The following ZFP62 variants were observed in gnomAD, a reference collection of about 807,000 sequenced individuals.
ZFP62 encodes zinc finger protein 62 homolog.
ZFP62 carries 44 observed loss-of-function variants against 56.4 expected under a neutral mutation model. The ratio of observed to expected loss-of-function variants is 0.78; its 90% CI spans 0.61 to 1.00. The LOEUF is 1.00. Ranked by LOEUF, ZFP62 falls within the 50% of genes least tolerant of loss-of-function variation. The pLI, the probability that ZFP62 is intolerant of heterozygous loss-of-function variation, is 0.00. For missense variants in ZFP62, 1,030 were observed against 1,085.7 expected, an observed-to-expected ratio of 0.95 and a Z score of 0.72; for synonymous variants, 421 against 388.9, an observed-to-expected ratio of 1.08 and a Z score of -0.97.
chr5:180,848,865 C>G lies in ZFP62; in HGVS notation c.2630G>C (p.Ser877Thr). 6.4e-7 allele frequency: 1 copy of G among 1,551,610 alleles called. No individual in the cohort carries two copies. Among genetic ancestry groups the G allele is most frequent in the East Asian group, 2.4e-5 (1 of 40,912 alleles). ...ATAGGTTCTCTTCTGGGATGTGCCA[C>G]TATAACTTCCCACATATATCACATT... ...SLNVIYVGSY[S>T]GTSQKRTYEG... The change falls in exon 2 of 2, where the codon AGT becomes ACT. Residue 877 changes from serine (S) to threonine (T), a missense_variant. Physicochemically the swap from Ser to Thr is moderately conservative, Grantham distance 58 (BLOSUM62 1). Transcript: ENST00000502412.
chr5:180,848,023 A>G lies in ZFP62; in HGVS notation c.*769T>C. On this transcript the variant is annotated 3_prime_UTR_variant, in exon 2 of 2. Transcript: ENST00000502412. ...TTTTATTGTAGCATAATGTGTGAAT[A>G]CCACTTCCAGGTTATCCCTCATCAC... The G allele has an allele frequency of 3.0e-6, 3 of 985,448 alleles. No homozygotes were observed. Among genetic ancestry groups the G allele is most frequent in the Non-Finnish European group, 3.6e-6 (3 of 829,932 alleles). 61.0% of individuals were successfully genotyped at this position (985,448 alleles called of 1,614,324 possible).
chr5:180,841,268 CATAT>C, the ZFP62 span, among the ~76,000 whole-genome samples: 15 of 148,310 alleles, frequency 1.0e-4, no homozygotes, highest in Middle Eastern at 3.2e-3. Flanking sequence ...CACACACACA[CATAT>C]ATATATACAT....
At chr5:180,851,569 C>CA in intron 1 of ZFP62, 76 bp from the exon 2 acceptor site, 1 of 1,414,098 alleles carries the variant, frequency 7.1e-7, no homozygotes, top group Non-Finnish European at 9.4e-7. Flanking sequence ...TAACAATGAA[C>CA]AACATTCACT....
chr5:180,837,065 C>G, the ZFP62 span, among the ~76,000 whole-genome samples: 1 of 152,238 alleles, frequency 6.6e-6, no homozygotes, highest in Non-Finnish European at 1.5e-5. Context: ...CCGCCTGCTT[C>G]CCAGAGCAAT....
the ZFP62 span, chr5:180,830,595 G>A: frequency 1.3e-5 from 2 of 152,096 alleles, no homozygotes; most frequent in Non-Finnish European, 2.9e-5. Flanking sequence ...GCTGGGTGAG[G>A]GCGGAATACT....
chr5:180,838,609 C>G, the ZFP62 span, among the ~76,000 whole-genome samples: 3 of 152,176 alleles, frequency 2.0e-5, no homozygotes, highest in Non-Finnish European at 2.9e-5. Flanking sequence ...CAAAAGTATT[C>G]TGAGGTGATG....
rs1329384054 is a variant in ZFP62 at position 180,851,363 on chromosome 5, A to T, written c.132T>A (p.Val44=). The T allele has an allele frequency of 1.3e-6, 2 of 1,551,546 alleles. No individual in the cohort carries two copies. Among genetic ancestry groups the T allele is most frequent in the Middle Eastern group, 1.7e-4 (1 of 5,990 alleles). The part of the protein sequence containing the change: ...MPESKVGDTC[V]WDSKVENQQK... ...GTTGATTCTCTACCTTGCTATCCCAAACACATGTGTCACCAACCTTAGATT... is the reference window on the plus strand; with the variant it reads ...GTTGATTCTCTACCTTGCTATCCCATACACATGTGTCACCAACCTTAGATT... The change falls in exon 2 of 2, where the codon GTT becomes GTA. Residue 44 remains valine (V), a synonymous_variant. Transcript: ENST00000502412.
chr5:180,854,813 AT>A (rs1773888214), intron 1 of ZFP62, among the ~76,000 whole-genome samples: 1 of 152,220 alleles, frequency 6.6e-6, no homozygotes, highest in South Asian at 2.1e-4. Flanking sequence ...CAAATACATC[AT>A]TTTCATAAAA....
At position 180,848,540 on chromosome 5, in the gene ZFP62, A is replaced by C; in HGVS notation, c.*252T>G. On this transcript the variant is annotated 3_prime_UTR_variant, in exon 2 of 2. Coordinates refer to ENST00000502412, the MANE Select transcript of ZFP62 (RefSeq NM_001172638.2). The stretch of plus-strand genomic sequence containing the variant: ...TCTACTGATTTTGAAGATTTGCTTC[A>C]CATTCCATCACTCAGATCTAAGTTT... The C allele has an allele frequency of 8.3e-7, 1 of 1,198,062 alleles. No homozygotes were observed. Among genetic ancestry groups the C allele is most frequent in the Non-Finnish European group, 1.0e-6 (1 of 964,830 alleles). 74.2% of individuals were successfully genotyped at this position (1,198,062 alleles called of 1,614,324 possible). A position where few individuals can be genotyped will look rare whatever the true frequency, so the allele number is the denominator to read the frequency against.
At position 180,851,243 on chromosome 5, in the gene ZFP62, TTC is replaced by T. The variant is rs1773693695; in HGVS notation, c.250_251del (p.Glu84ThrfsTer4). The T allele has an allele frequency of 2.6e-6, 4 of 1,551,658 alleles. No individual in the cohort carries two copies. In the South Asian group the frequency reaches 3.6e-5, roughly 14 times the overall value. The stretch of plus-strand genomic sequence containing the variant: ...TCTTCTCAGATGCCTCACCTTCCTG[TTC>T]TGTCTTTATATTTGCTGTACTCTTG... The part of the protein sequence containing the change: ...KAKSTANIKT[E>X]QEGEASEKSL... On this transcript the variant is annotated frameshift_variant, in exon 2 of 2. Coordinates refer to ENST00000502412, the MANE Select transcript of ZFP62 (RefSeq NM_001172638.2). LOFTEE classifies it high-confidence loss of function.
chr5:180,836,867 G>A, the ZFP62 span, among the ~76,000 whole-genome samples: 1 of 152,184 alleles, frequency 6.6e-6, no homozygotes, highest in African/African-American at 2.4e-5. Context: ...TTTCCTGTAA[G>A]AATACATTTT....
At chr5:180,839,849 C>T in the ZFP62 span, among the ~76,000 whole-genome samples, 1 of 152,158 alleles carries the variant, frequency 6.6e-6, no homozygotes, top group African/African-American at 2.4e-5. Flanking sequence ...TTAAGAACTC[C>T]CAGCGCCAAG....
chr5:180,860,787 C>G (rs758162970), intron 1 of ZFP62: 18 of 190,296 alleles, frequency 9.5e-5, no homozygotes, highest in Non-Finnish European at 1.4e-4. Context: ...CAATCACTCT[C>G]AAGTCCTAGA....
chr5:180,827,550 C>A, the ZFP62 span, among the ~76,000 whole-genome samples: 3 of 152,336 alleles, frequency 2.0e-5, no homozygotes, highest in Admixed American at 2.0e-4. Context: ...CCCAGGGACA[C>A]AAACACTGCG....
At chr5:180,853,250 A>T (rs1047180727) in intron 1 of ZFP62, among the ~76,000 whole-genome samples, 6 of 152,222 alleles carry the variant, frequency 3.9e-5, no homozygotes, top group Non-Finnish European at 8.8e-5. Flanking sequence ...AAGGACGAGG[A>T]GCGCTTCTGA....
chr5:180,837,112 T>G, the ZFP62 span, among the ~76,000 whole-genome samples: 1 of 152,194 alleles, frequency 6.6e-6, no homozygotes, highest in Non-Finnish European at 1.5e-5. Flanking sequence ...CCAGTCTCTA[T>G]TTCAGGCCAT....
At chr5:180,831,606 A>AGGGGGCGGGGACGCCG in the ZFP62 span, 2 of 152,508 alleles carry the variant, frequency 1.3e-5, no homozygotes, top group Non-Finnish European at 2.9e-5. Context: ...GAGGCCCAGC[A>AGGGGGCGGGGACGCCG]GGGGGCGGGG....
chr5:180,844,644 G>A (rs984653742), downstream of ZFP62, among the ~76,000 whole-genome samples: 1 of 152,178 alleles, frequency 6.6e-6, no homozygotes, highest in African/African-American at 2.4e-5. Flanking sequence ...GTGGTTACTG[G>A]CCTCAGCTGG....
downstream of ZFP62, among the ~76,000 whole-genome samples, chr5:180,844,225 C>A (rs756286963): frequency 6.6e-6 from 1 of 152,202 alleles, no homozygotes; most frequent in Non-Finnish European, 1.5e-5. Context: ...TTATAAAGTA[C>A]AGAGCATTTT....
Sources: allele counts gnomAD v4.1 joint callset (sites outside exome capture counted in the v4.1 genomes callset), GRCh38; gene constraint gnomAD v4.1.1; transcripts MANE v1.5; gene names NCBI Gene and HGNC (gene_info 2026-07-23, HGNC 2026-07-21).